The following FAAH2 variants were observed in gnomAD, a reference collection of about 807,000 sequenced individuals.
FAAH2 encodes fatty acid amide hydrolase 2.
In FAAH2, 60 loss-of-function variants were observed where a neutral mutation model predicts 36.9. The observed-to-expected ratio is 1.63, with a 90% CI of 1.32 to 2.02. The LOEUF is 2.02. FAAH2 is among the 30% of genes most tolerant of loss of function. The pLI, the probability that FAAH2 is intolerant of heterozygous loss-of-function variation, is 0.00. For missense variants in FAAH2, 689 were observed against 397.5 expected (o/e 1.73, Z -6.23); for synonymous variants, 214 against 143.8 (o/e 1.49, Z -3.49).
At chrX:57,477,296 A>G (rs1231376626) in intron 10 of FAAH2, among the ~76,000 whole-genome samples, 1 of 110,585 alleles carries the variant, frequency 9.0e-6, no homozygotes, top group African/African-American at 3.3e-5. Flanking sequence ...TAATATAATT[A>G]CACTGCTACA....
intron 3 of FAAH2, among the ~76,000 whole-genome samples, chrX:57,331,041 A>G (rs1343165546): frequency 9.0e-6 from 1 of 110,894 alleles, no homozygotes; most frequent in African/African-American, 3.3e-5. Flanking sequence ...ACCACCCTGC[A>G]GATTTCAGGT....
At chrX:57,321,600 T>A (rs1490174305) in intron 3 of FAAH2, among the ~76,000 whole-genome samples, 1 of 110,623 alleles carries the variant, frequency 9.0e-6, no homozygotes, top group African/African-American at 3.3e-5. Context: ...ATTTGCTTGG[T>A]AGATTTTTCT....
the FAAH2 span, among the ~76,000 whole-genome samples, chrX:57,248,516 G>A: frequency 9.0e-6 from 1 of 110,742 alleles, no homozygotes; most frequent in Non-Finnish European, 1.9e-5. Context: ...CTGTTTGGGA[G>A]GCGGAGGCGG....
the FAAH2 span, among the ~76,000 whole-genome samples, chrX:57,146,048 G>T: frequency 1.8e-5 from 2 of 109,099 alleles, no homozygotes; most frequent in Admixed American, 9.8e-5. Flanking sequence ...GGTTATGCAG[G>T]CTCTTTTTTT....
chrX:57,296,317 C>T (rs2052155625), intron 2 of FAAH2, among the ~76,000 whole-genome samples: 1 of 111,925 alleles, frequency 8.9e-6, no homozygotes, highest in African/African-American at 3.3e-5. Context: ...TCTGCAGCCA[C>T]CACTGCTGAT....
intron 10 of FAAH2, among the ~76,000 whole-genome samples, chrX:57,468,297 C>T (rs2057090067): frequency 9.0e-6 from 1 of 111,727 alleles, no homozygotes. Flanking sequence ...TCAAACTTCT[C>T]TGAGCTAAAG....
At chrX:57,195,061 G>A in the FAAH2 span, among the ~76,000 whole-genome samples, 1 of 111,017 alleles carries the variant, frequency 9.0e-6, no homozygotes, top group East Asian at 2.8e-4. Flanking sequence ...TGCAAATTCT[G>A]CTGCTATAAA....
the FAAH2 span, among the ~76,000 whole-genome samples, chrX:57,162,795 A>G: frequency 3.6e-5 from 4 of 111,860 alleles, no homozygotes; most frequent in South Asian, 3.7e-4. Context: ...ACTACTTTGC[A>G]TTTGGTTTGA....
chrX:57,160,834 A>G, the FAAH2 span, among the ~76,000 whole-genome samples: 1 of 111,660 alleles, frequency 9.0e-6, no homozygotes, highest in African/African-American at 3.3e-5. Context: ...TGATTTTTTG[A>G]AGGGTTTTTT....
intron 3 of FAAH2, among the ~76,000 whole-genome samples, chrX:57,319,651 A>G (rs1158699022): frequency 3.6e-5 from 4 of 112,315 alleles, no homozygotes; most frequent in Admixed American, 9.4e-5. Context: ...GACTTTTTTC[A>G]CAGAATTGGG....
At chrX:57,303,005 T>C (rs1485405770) in intron 2 of FAAH2, among the ~76,000 whole-genome samples, 1 of 111,250 alleles carries the variant, frequency 9.0e-6, no homozygotes, top group Non-Finnish European at 1.9e-5. Context: ...TTATCAACCT[T>C]CCCTTGGAAG....
At chrX:57,315,866 C>G (rs1276773355) in intron 3 of FAAH2, among the ~76,000 whole-genome samples, 3 of 110,873 alleles carry the variant, frequency 2.7e-5, no homozygotes, top group Non-Finnish European at 5.7e-5. Flanking sequence ...AGAGTGCCCA[C>G]TCTCACTACT....
intron 5 of FAAH2, among the ~76,000 whole-genome samples, chrX:57,364,443 C>CT (rs1225398163): frequency 0.066 from 4,825 of 73,253 alleles, 455 homozygotes; most frequent in African/African-American, 0.19. Context: ...GGATCTTCTC[C>CT]TTTTTTTTTT....
chrX:57,290,969 T>C (rs2051960841), intron 1 of FAAH2, among the ~76,000 whole-genome samples: 1 of 112,243 alleles, frequency 8.9e-6, no homozygotes, highest in Admixed American at 9.4e-5. Flanking sequence ...GTTTCTAATA[T>C]TTCTGGATAT....
chrX:57,314,985 A>G (rs1323638902), intron 3 of FAAH2, among the ~76,000 whole-genome samples: 2 of 111,277 alleles, frequency 1.8e-5, no homozygotes, highest in African/African-American at 6.5e-5. Flanking sequence ...AAGATCAATG[A>G]AATTAAGAGT....
At chrX:57,394,697 G>A in intron 7 of FAAH2, 1 of 889,796 alleles carries the variant, frequency 1.1e-6, no homozygotes, top group Non-Finnish European at 1.7e-6. Flanking sequence ...TTATCATCTG[G>A]GACATAATTG....
At chrX:57,466,655 A>G (rs1602757694) in intron 10 of FAAH2, among the ~76,000 whole-genome samples, 2 of 111,060 alleles carry the variant, frequency 1.8e-5, no homozygotes, top group Middle Eastern at 4.8e-3. Context: ...CACAATTAAG[A>G]TTCAAATAGA....
intron 9 of FAAH2, among the ~76,000 whole-genome samples, chrX:57,447,661 C>T (rs968002357): frequency 1.8e-5 from 2 of 112,252 alleles, no homozygotes; most frequent in African/African-American, 6.5e-5. Context: ...AAGCAATTAC[C>T]TGAGCTCAAT....
intron 2 of FAAH2, among the ~76,000 whole-genome samples, chrX:57,299,223 C>T (rs1409457911): frequency 1.3e-4 from 14 of 111,767 alleles, no homozygotes; most frequent in Middle Eastern, 4.6e-3. Flanking sequence ...GCTGGCAAAC[C>T]GAATCCAGCA....
Sources: allele counts gnomAD v4.1 joint callset (sites outside exome capture counted in the v4.1 genomes callset), GRCh38; gene constraint gnomAD v4.1.1; transcripts MANE v1.5; gene names NCBI Gene and HGNC (gene_info 2026-07-23, HGNC 2026-07-21).